The following OXER1 variants were observed in gnomAD, a reference collection of about 807,000 sequenced individuals.
The protein encoded by OXER1 is 5-oxo-ETE G-protein coupled receptor.
For missense variants in OXER1, 587 were observed against 551.7 expected (o/e 1.06, Z -0.64); for synonymous variants, 258 against 245.8 (o/e 1.05, Z -0.47).
rs916514058 is a variant in OXER1, at chr2:42,763,803, G to T, written c.377C>A (p.Ser126Tyr). 1.9e-6 allele frequency: 3 copies of T among 1,613,934 alleles called. No individual in the cohort carries two copies. Among genetic ancestry groups the T allele is most frequent in the East Asian group, 4.5e-5 (2 of 44,894 alleles). Residue 126 changes from serine (S) to tyrosine (Y), a missense_variant, in exon 1 of 1, where the codon TCC becomes TAC. Ser to Tyr is a moderately radical substitution (Grantham distance 144, BLOSUM62 -2). Coordinates refer to ENST00000378661, the Ensembl canonical transcript of OXER1. This position sits in a 1 kb window ranked among gnomAD's most constrained non-coding sequence, Gnocchi z 4.4. ...CAGGCTGACCAGGAACACCGTGTTG[G>T]AGGTCCAGGGCCGCGTGTGGATGCA...
At chr2:42,763,009 G>A in the OXER1 span, 1 of 1,614,038 alleles carries the variant, frequency 6.2e-7, no homozygotes, top group Non-Finnish European at 8.5e-7. The surrounding 1 kb of genome is among the most constrained non-coding windows in gnomAD (Gnocchi z 4.4). Context: ...TAGCGCCACT[G>A]CCTGGAGGGT....
chr2:42,762,855 G>C, exon 1 of OXER1: 1 of 1,540,828 alleles, frequency 6.5e-7, no homozygotes, highest in Non-Finnish European at 8.7e-7. Context: ...GTCCCTCCAG[G>C]CCAGAGCGCG....
At chr2:42,762,738 TG>T in exon 1 of OXER1, 1 of 679,956 alleles carries the variant, frequency 1.5e-6, no homozygotes, top group South Asian at 1.9e-5. Flanking sequence ...GAGGCCTAGG[TG>T]GGTTTCTCTC....
In OXER1 at chr2:42,763,270, A is replaced by G; in HGVS notation, c.910T>C (p.Tyr304His). The G allele has an allele frequency of 6.2e-7, 1 of 1,613,078 alleles. No individual in the cohort carries two copies. The highest frequency in any genetic ancestry group is 1.7e-5 in the Admixed American group (1 of 59,916). The change falls in exon 1 of 1, where the codon TAC (tyrosine) becomes CAC (histidine). Residue 304 changes from tyrosine (Y) to histidine (H), a missense_variant. Physicochemically the swap from Tyr to His is moderately conservative, Grantham distance 83 (BLOSUM62 2). Transcript: ENST00000378661. This position sits in a 1 kb window ranked among gnomAD's most constrained non-coding sequence, Gnocchi z 4.4. ...ATGCTGGGCAAGAAGCAGATGGTGT[A>G]GACGGCCACCACCATGGCCAGCACA...
Position 42,763,581 on chromosome 2 carries a change from A to T in OXER1, c.599T>A (p.Val200Glu), listed in dbSNP as rs933023950. 1 of 1,596,196 alleles carries T rather than the reference A, an allele frequency of 6.3e-7. No homozygotes were observed. The highest frequency in any genetic ancestry group is 1.8e-5 in the Admixed American group (1 of 57,118). Residue 200 changes from valine (V) to glutamate (E), a missense_variant, in exon 1 of 1, where the codon GTG becomes GAG. By Grantham distance (121) the Val-to-Glu change is moderately radical (BLOSUM62 -2). Transcript: ENST00000378661. The surrounding 1 kb of genome is among the most constrained non-coding windows in gnomAD (Gnocchi z 4.4). ...TGCCCCCACGGAAGCACGGCTCAGCACGTGGTGGGGCTGCACCACCTTCAG... is the reference window on the plus strand; with the variant it reads ...TGCCCCCACGGAAGCACGGCTCAGCTCGTGGTGGGGCTGCACCACCTTCAG...
In OXER1 at chr2:42,763,623, A is replaced by T; in HGVS notation, c.557T>A (p.Ile186Asn). 6.2e-7 allele frequency: 1 copy of T among 1,613,206 alleles called. No homozygotes were observed. The highest frequency in any genetic ancestry group is 8.5e-7 in the Non-Finnish European group (1 of 1,179,658). ...CACCTTCAGGTAGCGGTTGAGTGCG[A>T]TGGCTGTGAGGAAGACAACGCTGGC... is the stretch of plus-strand genomic sequence containing the variant. The change falls in exon 1 of 1, where the codon ATC (isoleucine) becomes AAC (asparagine). Residue 186 changes from isoleucine (I) to asparagine (N), a missense_variant. Ile to Asn is a moderately radical substitution (Grantham distance 149). Transcript: ENST00000378661. The surrounding 1 kb of genome is among the most constrained non-coding windows in gnomAD (Gnocchi z 4.4).
In OXER1 at chr2:42,763,081, G is replaced by A. The variant is rs377351782; in HGVS notation, c.1099C>T (p.Arg367Trp). The change falls in exon 1 of 1, where the codon CGG becomes TGG. Residue 367 changes from arginine (R) to tryptophan (W), a missense_variant. Arg to Trp is a moderately radical substitution (Grantham distance 101). Transcript: ENST00000378661. This position sits in a 1 kb window ranked among gnomAD's most constrained non-coding sequence, Gnocchi z 4.4. Reference sequence around the variant, plus strand: ...CCCCGCGTGAGGCCCAGCAAGGCCCGGCTCTGGTGGAGGAAGTTGGGGCTA... The same window carrying A: ...CCCCGCGTGAGGCCCAGCAAGGCCCAGCTCTGGTGGAGGAAGTTGGGGCTA... 1.3e-5 allele frequency: 21 copies of A among 1,614,154 alleles called. No individual in the cohort carries two copies. Among genetic ancestry groups the A allele is most frequent in the East Asian group, 8.9e-5 (4 of 44,874 alleles).
rs764035186 is a variant in OXER1, at chr2:42,764,042, G to A, written c.138C>T (p.Ser46=). The change falls in exon 1 of 1, where the codon AGC becomes AGT. Residue 46 remains serine (S), a synonymous_variant. Transcript: ENST00000378661. ...AGGAGGAGAGAGAGGGAGATGGAGA[G>A]CTCAGGTTATGAAGTTCCATGGGCT... 4 of 1,613,858 alleles carry A rather than the reference G, an allele frequency of 2.5e-6. No homozygotes were observed. In the South Asian group the frequency reaches 4.4e-5, roughly 18 times the overall value.
chr2:42,762,623 G>T (rs771785404), exon 1 of OXER1: 2 of 450,172 alleles, frequency 4.4e-6, no homozygotes, highest in African/African-American at 2.0e-5. Context: ...CTGCAGCTGC[G>T]CAGGCCCCTG....
rs1378031270 is a variant in OXER1 at position 42,763,450 on chromosome 2, T to G, written c.730A>C (p.Thr244Pro). The change falls in exon 1 of 1, where the codon ACG becomes CCG. Residue 244 changes from threonine to proline, a missense_variant. Transcript: ENST00000378661. This position sits in a 1 kb window ranked among gnomAD's most constrained non-coding sequence, Gnocchi z 4.4. ...CAGCGGAGCGAGGCCGAGGGCTTCG[T>G]GCCCACCCTGTAGCTGAGGCAGGAG... 3 of 1,566,814 alleles carry G rather than the reference T, an allele frequency of 1.9e-6. No individual in the cohort carries two copies. Among genetic ancestry groups the G allele is most frequent in the Non-Finnish European group, 2.6e-6 (3 of 1,156,012 alleles).
At position 42,763,197 on chromosome 2, in the gene OXER1, C is replaced by T. The variant is rs750491796; in HGVS notation, c.983G>A (p.Arg328Gln). 2.7e-5 allele frequency: 43 copies of T among 1,611,222 alleles called. No homozygotes were observed. Among genetic ancestry groups the T allele is most frequent in the Non-Finnish European group, 3.1e-5 (37 of 1,178,934 alleles). ...GAGCTGTGTGCAGAGGTCCAGGGATCGGCAGGCGGACAGCCAGAAAGCCAC... is the reference window on the plus strand; with the variant it reads ...GAGCTGTGTGCAGAGGTCCAGGGATTGGCAGGCGGACAGCCAGAAAGCCAC... The change falls in exon 1 of 1, where the codon CGA (arginine) becomes CAA (glutamine). Residue 328 changes from arginine to glutamine, a missense_variant. Transcript: ENST00000378661. The surrounding 1 kb of genome is among the most constrained non-coding windows in gnomAD (Gnocchi z 4.4).
exon 1 of OXER1, chr2:42,764,035 A>T: frequency 6.2e-7 from 1 of 1,613,698 alleles, no homozygotes; most frequent in Non-Finnish European, 8.5e-7. Flanking sequence ...AGAGAGGGAG[A>T]TGGAGAGCTC....
rs778824291 is a variant in OXER1 at position 42,763,790 on chromosome 2, G to A, written c.390C>T (p.Phe130=). The A allele has an allele frequency of 5.6e-6, 9 of 1,614,048 alleles. No individual in the cohort carries two copies. The South Asian group carries it at 8.8e-5, about 16-fold the overall frequency. The change falls in exon 1 of 1, where the codon TTC becomes TTT. Residue 130 remains phenylalanine, a synonymous_variant. Transcript: ENST00000378661. The surrounding 1 kb of genome is among the most constrained non-coding windows in gnomAD (Gnocchi z 4.4). ...AGTCAGCGGCCACCAGGCTGACCAG[G>A]AACACCGTGTTGGAGGTCCAGGGCC...
At position 42,763,688 on chromosome 2, in the gene OXER1, GGCA is replaced by G; in HGVS notation, c.489_491del (p.Ala164del). ...ACAGCATGAAGAGGTTGACTTTGCA[GGCA>G]GCAGCCCCAAAGCGCCAGGTCTCAT... On this transcript the variant is annotated inframe_deletion, in exon 1 of 1. Transcript: ENST00000378661. This position sits in a 1 kb window ranked among gnomAD's most constrained non-coding sequence, Gnocchi z 4.4. The G allele has an allele frequency of 1.9e-6, 3 of 1,614,116 alleles. No individual in the cohort carries two copies. The highest frequency in any genetic ancestry group is 1.6e-4 in the Middle Eastern group (1 of 6,062).
At chr2:42,762,886 G>A (rs775294834) in exon 1 of OXER1, 25 of 1,596,348 alleles carry the variant, frequency 1.6e-5, no homozygotes, top group African/African-American at 2.7e-5. Context: ...CCCCCACAGC[G>A]CTGCAGCCCT....
Position 42,763,536 on chromosome 2 carries a change from C to T in OXER1, c.644G>A (p.Gly215Glu), listed in dbSNP as rs1179208876. The change falls in exon 1 of 1, where the codon GGA becomes GAA. Residue 215 changes from glycine (G) to glutamate (E), a missense_variant. Coordinates refer to ENST00000378661, the Ensembl canonical transcript of OXER1. The surrounding 1 kb of genome is among the most constrained non-coding windows in gnomAD (Gnocchi z 4.4). ...GAGGAGCAGGATGCCCACCCAGAGT[C>T]CCCCGGCCACCCGGGCAGCTGCCCC... is the stretch of plus-strand genomic sequence containing the variant. The T allele has an allele frequency of 1.9e-6, 3 of 1,558,234 alleles. No individual in the cohort carries two copies. Among genetic ancestry groups the T allele is most frequent in the Middle Eastern group, 1.7e-4 (1 of 5,902 alleles).
At chr2:42,762,651 A>AGATCT in exon 1 of OXER1, 24 of 504,902 alleles carry the variant, frequency 4.8e-5, no homozygotes, top group South Asian at 2.0e-4. Context: ...TGGTGTGCCA[A>AGATCT]CGGCACCTTG....
chr2:42,763,088 G>A lies in OXER1; in HGVS notation c.1092C>T (p.His364=), dbSNP rs370218708. ...TGAGGCCCAGCAAGGCCCGGCTCTG[G>A]TGGAGGAAGTTGGGGCTAGAGAAGC... is the stretch of plus-strand genomic sequence containing the variant. The change falls in exon 1 of 1, where the codon CAC becomes CAT. Residue 364 remains histidine, a synonymous_variant. Transcript: ENST00000378661. The surrounding 1 kb of genome is among the most constrained non-coding windows in gnomAD (Gnocchi z 4.4). 7 of 1,614,082 alleles carry A rather than the reference G, an allele frequency of 4.3e-6. No individual in the cohort carries two copies. The African/African-American group carries it at 9.3e-5, about 22-fold the overall frequency.
rs751502547 is a variant in OXER1, at chr2:42,763,189, C to T, written c.991G>A (p.Asp331Asn). ...CCATGGAAGAGCTGTGTGCAGAGGT[C>T]CAGGGATCGGCAGGCGGACAGCCAG... Residue 331 changes from aspartate (D) to asparagine (N), a missense_variant, in exon 1 of 1, where the codon GAC becomes AAC. Coordinates refer to ENST00000378661, the Ensembl canonical transcript of OXER1. The surrounding 1 kb of genome is among the most constrained non-coding windows in gnomAD (Gnocchi z 4.4). The T allele has an allele frequency of 1.1e-5, 17 of 1,613,374 alleles. No homozygotes were observed. The highest frequency in any genetic ancestry group is 1.4e-5 in the Non-Finnish European group (17 of 1,179,644).
Sources: allele counts gnomAD v4.1 joint callset, GRCh38; gene constraint gnomAD v4.1.1; non-coding constraint Gnocchi (gnomAD v3.1); transcripts MANE v1.5; gene names NCBI Gene and HGNC (gene_info 2026-07-23, HGNC 2026-07-21).